NCALD: variants seen among roughly 807,000 people sequenced by gnomAD.
The protein encoded by NCALD is neurocalcin-delta.
A neutral mutation model predicts 18.6 loss-of-function variants in NCALD; 10 were observed. The ratio of observed to expected loss-of-function variants is 0.54; its 90% CI spans 0.33 to 0.91. The LOEUF (loss-of-function observed/expected upper bound fraction) is 0.91. NCALD is among the 40% of genes least tolerant of loss of function. The pLI is 0.03. For synonymous variants in NCALD, 88 were observed against 87.4 expected (o/e 1.01, Z -0.04); for missense variants, 184 against 247.6 (o/e 0.74, Z 1.72).
At chr8:101,716,318 G>T (rs943210018) in intron 2 of NCALD, among the ~76,000 whole-genome samples, 13 of 151,998 alleles carry the variant, frequency 8.6e-5, no homozygotes. Flanking sequence ...GGGGCCTGTT[G>T]GGGGGTGGTG....
At chr8:102,108,542 A>G (rs1825547061) in intron 1 of NCALD, among the ~76,000 whole-genome samples, 1 of 152,242 alleles carries the variant, frequency 6.6e-6, no homozygotes. Context: ...ATCCTCCGTC[A>G]TTGCAACCAA....
Position 102,081,566 on chromosome 8 carries a change from A to C in NCALD, c.-210+42671T>G, listed in dbSNP as rs1490537766. Among the ~76,000 whole-genome samples, 29 of 90,168 alleles carry C rather than the reference A, an allele frequency of 3.2e-4. 1 individual carries two copies. The highest frequency in any genetic ancestry group is 1.7e-3 in the African/African-American group (19 of 11,014). The allele number at this position is 90,168 out of a possible 152,430, so 59.2% of individuals were successfully genotyped here. On this transcript the variant is annotated intron_variant, in intron 1 of 6. Coordinates refer to the NCALD transcript ENST00000311028. ...ATGGTAAAAAAAAAAAAAAAAAAAA[A>C]AAAAAAAAAACCCCAAAAAAAACTG... is the stretch of plus-strand genomic sequence containing the variant.
intron 2 of NCALD, among the ~76,000 whole-genome samples, chr8:101,703,152 CTT>C (rs11447285): frequency 4.1e-4 from 60 of 147,610 alleles, no homozygotes; most frequent in Middle Eastern, 3.5e-3. Flanking sequence ...CTCTGTTCCT[CTT>C]TTTTTTTTTT....
rs1586214705 is a variant in NCALD, at chr8:101,692,689, C to A, written c.484+102G>T. The A allele has an allele frequency of 2.1e-5, 30 of 1,413,456 alleles. No homozygotes were observed. The East Asian group carries it at 7.1e-4, about 33-fold the overall frequency. The allele number at this position is 1,413,456 out of a possible 1,614,324, so 87.6% of individuals were successfully genotyped here. On this transcript the variant is annotated intron_variant, in intron 3 of 3. Coordinates refer to ENST00000220931, the MANE Select transcript of NCALD (RefSeq NM_032041.3). ...CCACCCAGGAGGCTTGGAGGATGAGCCGCTCACATTGAAGGGCCTCGAGTG... is the reference window on the plus strand; with the variant it reads ...CCACCCAGGAGGCTTGGAGGATGAGACGCTCACATTGAAGGGCCTCGAGTG...
chr8:102,054,528 C>T (rs1823561584), intron 1 of NCALD, among the ~76,000 whole-genome samples: 1 of 151,994 alleles, frequency 6.6e-6, no homozygotes, highest in African/African-American at 2.4e-5. Flanking sequence ...GATTGAGGTC[C>T]CCCGAGAAAG....
At chr8:101,931,199 A>G (rs1818558932) in intron 2 of NCALD, among the ~76,000 whole-genome samples, 2 of 152,136 alleles carry the variant, frequency 1.3e-5, no homozygotes, top group African/African-American at 4.8e-5. Context: ...GCAAACATCC[A>G]CCCCAGGTGA....
At chr8:101,924,351 T>G (rs1438113768) in intron 2 of NCALD, among the ~76,000 whole-genome samples, 1 of 152,204 alleles carries the variant, frequency 6.6e-6, no homozygotes, top group East Asian at 1.9e-4. Flanking sequence ...ACTCAAAACA[T>G]GGCATTTTCA....
intron 1 of NCALD, among the ~76,000 whole-genome samples, chr8:101,780,799 A>C (rs1432309430): frequency 6.6e-6 from 1 of 152,226 alleles, no homozygotes; most frequent in East Asian, 1.9e-4. Context: ...ATTTCAGTGA[A>C]AACTTTCCTT....
chr8:101,880,949 A>T (rs932831565), intron 4 of NCALD, among the ~76,000 whole-genome samples: 1 of 152,210 alleles, frequency 6.6e-6, no homozygotes, highest in Non-Finnish European at 1.5e-5. Context: ...TGTCATGAAA[A>T]GGACTTAGAA....
chr8:102,022,939 C>T (rs1822326167), intron 1 of NCALD, among the ~76,000 whole-genome samples: 1 of 152,126 alleles, frequency 6.6e-6, no homozygotes, highest in Admixed American at 6.6e-5. Context: ...CTCATTCTTT[C>T]CCTTGACTGG....
At chr8:101,991,807 A>G (rs1821059458) in intron 2 of NCALD, among the ~76,000 whole-genome samples, 1 of 152,218 alleles carries the variant, frequency 6.6e-6, no homozygotes, top group Non-Finnish European at 1.5e-5. Flanking sequence ...GGCAGGTGCC[A>G]TGGAGGACCC....
intron 1 of NCALD, chr8:101,721,267 C>G (rs1816343963): frequency 6.6e-6 from 1 of 152,352 alleles, no homozygotes; most frequent in Non-Finnish European, 1.5e-5. Context: ...TGCGATTTCA[C>G]GCATTCTGGG....
At chr8:101,863,728 G>C (rs1013604963) in intron 4 of NCALD, among the ~76,000 whole-genome samples, 1 of 152,168 alleles carries the variant, frequency 6.6e-6, no homozygotes, top group Non-Finnish European at 1.5e-5. Context: ...AGAAAGCTAT[G>C]GGTGAGAGTG....
intron 3 of NCALD, among the ~76,000 whole-genome samples, chr8:101,899,029 C>T (rs1007564925): frequency 3.9e-5 from 6 of 151,934 alleles, no homozygotes; most frequent in Non-Finnish European, 8.8e-5. Flanking sequence ...AAATCCAATC[C>T]ACATTTCTCT....
intron 4 of NCALD, among the ~76,000 whole-genome samples, chr8:101,836,204 G>T (rs1814407326): frequency 1.3e-5 from 2 of 152,128 alleles, no homozygotes; most frequent in African/African-American, 4.8e-5. Flanking sequence ...CTTGGCTCAG[G>T]ATATAGCAGT....
At chr8:101,987,043 A>G (rs559754199) in intron 2 of NCALD, among the ~76,000 whole-genome samples, 1 of 152,298 alleles carries the variant, frequency 6.6e-6, no homozygotes, top group African/African-American at 2.4e-5. Flanking sequence ...TAAATTTATT[A>G]TGTATGAAGA....
chr8:101,859,918 C>T (rs1289960449), intron 4 of NCALD, among the ~76,000 whole-genome samples: 1 of 152,072 alleles, frequency 6.6e-6, no homozygotes, highest in African/African-American at 2.4e-5. Context: ...TTAAAGACCC[C>T]AATAGGGCAT....
At chr8:101,690,421 A>G (rs1814672343) in intron 3 of NCALD, 1 of 985,392 alleles carries the variant, frequency 1.0e-6, no homozygotes, top group Non-Finnish European at 1.2e-6. Flanking sequence ...CTGCTCCTCC[A>G]AGGGCAGCAC....
intron 2 of NCALD, among the ~76,000 whole-genome samples, chr8:101,707,624 GGGT>G (rs1451681170): frequency 3.9e-5 from 6 of 152,162 alleles, no homozygotes; most frequent in African/African-American, 1.4e-4. Context: ...GTGTATACTG[GGGT>G]GTTTTTAAGT....
Sources: allele counts gnomAD v4.1 joint callset (sites outside exome capture counted in the v4.1 genomes callset), GRCh38; gene constraint gnomAD v4.1.1; transcripts MANE v1.5; gene names NCBI Gene and HGNC (gene_info 2026-07-23, HGNC 2026-07-21).